WNK1: variants seen among roughly 807,000 people sequenced by gnomAD.
WNK1 encodes serine/threonine-protein kinase WNK1.
WNK1 carries 38 observed loss-of-function variants against 222.8 expected under a neutral mutation model. The ratio of observed to expected loss-of-function variants is 0.17; its 90% CI spans 0.13 to 0.22. WNK1 has a LOEUF of 0.22. Among genes scored for constraint, WNK1 ranks in the 10% least tolerant of loss-of-function variants. The probability of loss-of-function intolerance (pLI) is 1.00; values close to 1 mark genes in which losing one functional copy is unlikely to be tolerated. For missense variants in WNK1, 2,348 were observed against 2,918.4 expected, an observed-to-expected ratio of 0.80 and a Z score of 4.50; for synonymous variants, 1,090 against 1,092.9, an observed-to-expected ratio of 1.00 and a Z score of 0.05.
At chr12:869,531 A>T (rs943985833) in intron 8 of WNK1, among the ~76,000 whole-genome samples, 1 of 152,214 alleles carries the variant, frequency 6.6e-6, no homozygotes, top group Non-Finnish European at 1.5e-5. Flanking sequence ...ATAAAATATA[A>T]AACATGGAAA....
In WNK1 at chr12:908,968, C is replaced by A. The variant is rs528692788; in HGVS notation, c.*176C>A. ...AGCCCTCAGAATGGAGAGTCTCCCC[C>A]GCTCCAGTTATTGGAATGGGAGAGG... On this transcript the variant is annotated 3_prime_UTR_variant, in exon 28 of 28. Coordinates refer to ENST00000315939, the MANE Select transcript of WNK1 (RefSeq NM_018979.4). 1.4e-6 allele frequency: 1 copy of A among 727,844 alleles called. No homozygotes were observed. The highest frequency in any genetic ancestry group is 2.2e-6 in the Non-Finnish European group (1 of 445,138). 45.1% of individuals were successfully genotyped at this position (727,844 alleles called of 1,614,324 possible).
chr12:785,327 C>T (rs1358766225), intron 1 of WNK1, among the ~76,000 whole-genome samples: 2 of 151,930 alleles, frequency 1.3e-5, no homozygotes, highest in African/African-American at 4.8e-5. Context: ...TTTTATGTTG[C>T]CCCTTCCAGA....
chr12:896,273 C>T lies in WNK1; in HGVS notation c.5786C>T (p.Thr1929Ile), dbSNP rs1954726574. 1.2e-6 allele frequency: 2 copies of T among 1,614,096 alleles called. No individual in the cohort carries two copies. Among genetic ancestry groups the T allele is most frequent in the African/African-American group, 1.3e-5 (1 of 74,920 alleles). ...SDVPESAHKT[T>I]ASEAKSDTGQ... ...GTGCCAGAGAGTGCCCACAAAACTA[C>T]TGCCTCAGAGGCAAAGTCAGACACT... is the stretch of plus-strand genomic sequence containing the variant. The change falls in exon 24 of 28, where the codon ACT (threonine) becomes ATT (isoleucine). Residue 1929 changes from threonine (T) to isoleucine (I), a missense_variant. By Grantham distance (89) the Thr-to-Ile change is moderately conservative (BLOSUM62 -1). Around this residue, in one of 13 missense-constraint regions of WNK1, gnomAD observed 1,144 missense variants for 1,273.6 expected, o/e 0.90. Coordinates refer to ENST00000315939, the MANE Select transcript of WNK1 (RefSeq NM_018979.4).
chr12:894,738 G>A (rs1346442043), intron 23 of WNK1, 103 bp downstream of exon 23: 3 of 1,042,740 alleles, frequency 2.9e-6, no homozygotes, highest in Non-Finnish European at 4.5e-6. Context: ...CCAGTCTAGT[G>A]ATTTCTGTCA....
chr12:868,339 C>T (rs1247736489), intron 8 of WNK1: 2 of 1,613,762 alleles, frequency 1.2e-6, no homozygotes, highest in South Asian at 1.1e-5. Flanking sequence ...TTCCATACAA[C>T]TCATCAGTAC....
chr12:854,169 A>T (rs1216780723), intron 4 of WNK1, among the ~76,000 whole-genome samples: 1 of 151,780 alleles, frequency 6.6e-6, no homozygotes, highest in Non-Finnish European at 1.5e-5. Context: ...GCAGTTCAAG[A>T]TTAGCCTGGG....
intron 22 of WNK1, among the ~76,000 whole-genome samples, chr12:892,266 A>G (rs1039788869): frequency 7.2e-5 from 11 of 152,086 alleles, no homozygotes; most frequent in African/African-American, 2.7e-4. Flanking sequence ...AGCAGGGTTC[A>G]CAAACTCTTT....
chr12:861,327 C>T lies in WNK1; in HGVS notation c.1935C>T (p.Pro645=), dbSNP rs771833169. Residue 645 remains proline, a synonymous_variant, in exon 7 of 28, where the codon CCC becomes CCT. Coordinates refer to ENST00000315939, the MANE Select transcript of WNK1 (RefSeq NM_018979.4). ...ATCAACAACTACAGTACCAGCAACC[C>T]AGTATATCTGTGTTATGTACGTATC... The part of the protein sequence containing the change: ...DQHQQLQYQQ[P]SISVLSDGTV... The T allele has an allele frequency of 1.9e-6, 3 of 1,614,104 alleles. No individual in the cohort carries two copies. Among genetic ancestry groups the T allele is most frequent in the South Asian group, 1.1e-5 (1 of 91,076 alleles).
intron 1 of WNK1, among the ~76,000 whole-genome samples, chr12:779,699 G>C (rs1351139758): frequency 6.6e-6 from 1 of 152,082 alleles, no homozygotes; most frequent in Non-Finnish European, 1.5e-5. Flanking sequence ...ACCGCGCCTG[G>C]CTCCTTTCCC....
chr12:839,591 A>G (rs12581291), intron 4 of WNK1, among the ~76,000 whole-genome samples: 2 of 152,210 alleles, frequency 1.3e-5, no homozygotes, highest in East Asian at 3.8e-4. Context: ...GCTCATGTAC[A>G]TATATATACT....
In WNK1 at chr12:897,427, C is replaced by T. The variant is rs12305212; in HGVS notation, c.6246-52C>T. 2,071 of 1,164,190 alleles carry T rather than the reference C, an allele frequency of 1.8e-3. 29 individuals are homozygous for T. The African/African-American group carries it at 0.027, about 15-fold the overall frequency. The allele number at this position is 1,164,190 out of a possible 1,614,324, so 72.1% of individuals were successfully genotyped here. A position where few individuals can be genotyped will look rare whatever the true frequency, so the allele number is the denominator to read the frequency against. On this transcript the variant is annotated intron_variant, in intron 24 of 27. Transcript: ENST00000315939. The stretch of plus-strand genomic sequence containing the variant: ...TTAGGAATATGCTGTTAATTCTTGT[C>T]TGAATGAAGAGGATTATGGTATTTT...
rs1453435096 is a variant in WNK1 at position 904,111 on chromosome 12, T to G, written c.6643+3441T>G. Among the ~76,000 whole-genome samples the G allele has an allele frequency of 2.0e-5, 3 of 152,170 alleles. No homozygotes were observed. In the East Asian group the frequency reaches 5.8e-4, roughly 29 times the overall value. On this transcript the variant is annotated intron_variant, in intron 26 of 27. Transcript: ENST00000315939. ...GGGACAGGATCAGTGGAAACGCTGC[T>G]TGGGTATTTGAAATTCAAGCAGTGA...
intron 8 of WNK1, among the ~76,000 whole-genome samples, chr12:864,213 T>G (rs1427631894): frequency 5.3e-5 from 8 of 151,780 alleles, no homozygotes; most frequent in African/African-American, 1.9e-4. Context: ...GTTCAAGTGA[T>G]TCTCCTGCCT....
Position 753,852 on chromosome 12 carries a change from C to T in WNK1, c.287C>T (p.Pro96Leu). The change falls in exon 1 of 28, where the codon CCC (proline) becomes CTC (leucine). Residue 96 changes from proline to leucine, a missense_variant. Pro to Leu is a moderately conservative substitution (Grantham distance 98). Around this residue, in one of 13 missense-constraint regions of WNK1, gnomAD observed 185 missense variants for 159.2 expected, o/e 1.16. Transcript: ENST00000315939. This position sits in a 1 kb window ranked among gnomAD's most constrained non-coding sequence, Gnocchi z 5.2. ...CDSNATALEL[P>L]GLPLSLPQPS... ...TCCAATGCCACTGCACTGGAGCTTC[C>T]CGGCCTTCCTCTTTCCCTGCCCCAG... is the stretch of plus-strand genomic sequence containing the variant. 6.2e-7 allele frequency: 1 copy of T among 1,612,634 alleles called. No individual in the cohort carries two copies. Among genetic ancestry groups the T allele is most frequent in the Non-Finnish European group, 8.5e-7 (1 of 1,179,910 alleles).
At position 778,728 on chromosome 12, in the gene WNK1, CTT is replaced by C. The variant is rs1325272496; in HGVS notation, c.759+24405_759+24406del. On this transcript the variant is annotated intron_variant, in intron 1 of 27. Transcript: ENST00000315939. ...CATTAGAGTTTAAGATTATGAATGACTTATTAAAATATAAAATGATAAGGACA... is the reference window on the plus strand; with the variant it reads ...CATTAGAGTTTAAGATTATGAATGACATTAAAATATAAAATGATAAGGACA... Among the ~76,000 whole-genome samples the C allele has an allele frequency of 2.7e-5, 4 of 150,692 alleles. No homozygotes were observed. In the East Asian group the frequency reaches 7.7e-4, roughly 29 times the overall value.
intron 26 of WNK1, among the ~76,000 whole-genome samples, chr12:903,115 AC>A (rs1177376291): frequency 1.3e-5 from 2 of 152,120 alleles, no homozygotes; most frequent in Admixed American, 1.3e-4. Context: ...CATTTCCCTC[AC>A]ACATACCCCT....
At chr12:799,983 T>G (rs1225852223) in intron 1 of WNK1, among the ~76,000 whole-genome samples, 2 of 152,044 alleles carry the variant, frequency 1.3e-5, no homozygotes, top group Non-Finnish European at 2.9e-5. Context: ...CTACAAAAAT[T>G]TTTAAAGAAA....
intron 1 of WNK1, among the ~76,000 whole-genome samples, chr12:767,669 T>C (rs1400713101): frequency 6.6e-6 from 1 of 152,138 alleles, no homozygotes; most frequent in Non-Finnish European, 1.5e-5. Flanking sequence ...TCTGTGTGGG[T>C]TCAGGGTGAG....
intron 1 of WNK1, among the ~76,000 whole-genome samples, chr12:776,502 C>T (rs950561827): frequency 1.1e-4 from 17 of 151,150 alleles, no homozygotes; most frequent in African/African-American, 4.1e-4. Flanking sequence ...GCAATCTTGG[C>T]TCACTGCAAC....
Sources: gnomAD v4.1 joint callset for allele counts (sites outside exome capture counted in the v4.1 genomes callset) on GRCh38, gnomAD v4.1.1 for gene constraint, gnomAD v4.1.1 regional missense constraint, Gnocchi (gnomAD v3.1) non-coding constraint, MANE v1.5 for transcripts, NCBI Gene and HGNC (gene_info 2026-07-23, HGNC 2026-07-21) for gene names.